CPVL: variants seen among roughly 807,000 people sequenced by gnomAD.
The protein encoded by CPVL is probable serine carboxypeptidase CPVL.
A neutral mutation model predicts 63.7 loss-of-function variants in CPVL; 51 were observed. That is an observed-to-expected ratio of 0.80 (90% CI 0.64 to 1.01). CPVL has a LOEUF of 1.01. CPVL is among the 50% of genes least tolerant of loss of function. The probability of loss-of-function intolerance (pLI) is 0.00; values close to 1 mark genes in which losing one functional copy is unlikely to be tolerated. For missense variants in CPVL, 530 were observed against 573.1 expected, an observed-to-expected ratio of 0.92 and a Z score of 0.77; for synonymous variants, 195 against 206.0, an observed-to-expected ratio of 0.95 and a Z score of 0.46.
chr7:29,024,151 A>C (rs959148563), intron 12 of CPVL, among the ~76,000 whole-genome samples: 1 of 152,178 alleles, frequency 6.6e-6, no homozygotes, highest in Non-Finnish European at 1.5e-5. Flanking sequence ...ATACATAAAG[A>C]AGAACCAATC....
intron 11 of CPVL, among the ~76,000 whole-genome samples, chr7:29,034,594 G>A (rs570415263): frequency 6.6e-6 from 1 of 151,964 alleles, no homozygotes; most frequent in African/African-American, 2.4e-5. Context: ...ACAGGCCCCA[G>A]TATGTGTTGT....
intron 1 of CPVL, chr7:29,192,889 T>C (rs1584672263): frequency 6.6e-6 from 1 of 152,320 alleles, no homozygotes; most frequent in South Asian, 2.1e-4. Context: ...GGGGGCTACA[T>C]AGATTACTAG....
At chr7:29,176,063 G>A (rs1471686214) in intron 5 of CPVL, among the ~76,000 whole-genome samples, 2 of 152,060 alleles carry the variant, frequency 1.3e-5, no homozygotes, top group Non-Finnish European at 2.9e-5. Context: ...GTGGGCGCCT[G>A]TAGTCCCAGC....
intron 7 of CPVL, among the ~76,000 whole-genome samples, chr7:29,072,749 C>G (rs1002970992): frequency 6.6e-6 from 1 of 152,032 alleles, no homozygotes; most frequent in Admixed American, 6.6e-5. Flanking sequence ...GCATCTCTTA[C>G]CAGAAAGCTC....
At chr7:29,177,485 C>T (rs1797505188) in intron 5 of CPVL, among the ~76,000 whole-genome samples, 1 of 151,882 alleles carries the variant, frequency 6.6e-6, no homozygotes, top group African/African-American at 2.4e-5. Context: ...AACTCCTGAC[C>T]TCAAGTCATC....
intron 2 of CPVL, among the ~76,000 whole-genome samples, chr7:29,118,802 C>G (rs550256793): frequency 1.4e-4 from 22 of 152,214 alleles, no homozygotes; most frequent in African/African-American, 4.6e-4. Flanking sequence ...TTCCGGTGTT[C>G]TTCTTCATTC....
intron 1 of CPVL, among the ~76,000 whole-genome samples, chr7:29,131,552 C>T (rs1291131959): frequency 6.6e-6 from 1 of 152,074 alleles, no homozygotes; most frequent in African/African-American, 2.4e-5. Flanking sequence ...TTTTTTGAGA[C>T]ACGGTCTCAC....
At chr7:29,083,558 C>T (rs746990003) in intron 7 of CPVL, among the ~76,000 whole-genome samples, 2 of 152,150 alleles carry the variant, frequency 1.3e-5, no homozygotes, top group African/African-American at 2.4e-5. Flanking sequence ...TATACCTGCC[C>T]TGGGATGGAT....
intron 12 of CPVL, among the ~76,000 whole-genome samples, chr7:29,016,233 C>T (rs1431744412): frequency 1.3e-5 from 2 of 151,976 alleles, no homozygotes; most frequent in Non-Finnish European, 2.9e-5. Flanking sequence ...GACCTGTAAT[C>T]CCAGCTACTT....
At chr7:29,158,407 C>A (rs1482645681) in intron 5 of CPVL, among the ~76,000 whole-genome samples, 1 of 152,138 alleles carries the variant, frequency 6.6e-6, no homozygotes, top group African/African-American at 2.4e-5. Flanking sequence ...TGATCCATAA[C>A]CAAAGAAAAC....
intron 7 of CPVL, among the ~76,000 whole-genome samples, chr7:29,079,978 A>C (rs1784545344): frequency 6.6e-6 from 1 of 152,196 alleles, no homozygotes; most frequent in African/African-American, 2.4e-5. Context: ...AGATGGAAGA[A>C]GCATGGAGAA....
At chr7:29,159,471 A>G (rs1794885811) in intron 5 of CPVL, among the ~76,000 whole-genome samples, 1 of 152,304 alleles carries the variant, frequency 6.6e-6, no homozygotes, top group East Asian at 1.9e-4. Context: ...ATGAAAACCT[A>G]TTATTTTTAA....
At chr7:29,146,545 C>G, upstream of CPVL, 1 of 1,524,564 alleles carries the variant, frequency 6.6e-7, no homozygotes, top group Non-Finnish European at 8.8e-7. Context: ...CACGAGGACC[C>G]TGCAGAACTC....
Position 29,180,620 on chromosome 7 carries a change from C to T in CPVL, c.-11+670G>A, listed in dbSNP as rs537049982. Among the ~76,000 whole-genome samples, 26 of 151,772 alleles carry T rather than the reference C, an allele frequency of 1.7e-4. No homozygotes were observed. The South Asian group carries it at 5.2e-3, about 30-fold the overall frequency. ...AATCAAATTAAGGCAAATGATGAGC[C>T]AATAAAAATACCTTTGGCACAAATT... On this transcript the variant is annotated intron_variant, in intron 5 of 16. Transcript: ENST00000409850.
At chr7:29,069,633 A>C (rs1783522124) in intron 9 of CPVL, among the ~76,000 whole-genome samples, 2 of 152,164 alleles carry the variant, frequency 1.3e-5, no homozygotes, top group Non-Finnish European at 2.9e-5. Flanking sequence ...GAATGCCTGA[A>C]AATTACCATA....
intron 1 of CPVL, among the ~76,000 whole-genome samples, chr7:29,137,135 G>A (rs1791304879): frequency 6.6e-6 from 1 of 152,176 alleles, no homozygotes; most frequent in Non-Finnish European, 1.5e-5. Flanking sequence ...ATCACTGTCT[G>A]GGGTAAATAC....
chr7:29,123,628 A>AATATATATATATATAT (rs1243750985), intron 1 of CPVL, among the ~76,000 whole-genome samples: 3 of 41,758 alleles, frequency 7.2e-5, no homozygotes, highest in African/African-American at 1.1e-4. Context: ...AAAAAAAAAA[A>AATATATATATATATAT]ATATATATAT....
chr7:29,076,923 C>T (rs536755445), intron 7 of CPVL, among the ~76,000 whole-genome samples: 10 of 152,284 alleles, frequency 6.6e-5, no homozygotes, highest in South Asian at 2.1e-4. Flanking sequence ...ATGGAAATCC[C>T]GTGAGGAGCA....
chr7:29,191,397 T>A (rs1782875412), intron 1 of CPVL, among the ~76,000 whole-genome samples: 1 of 152,138 alleles, frequency 6.6e-6, no homozygotes, highest in Non-Finnish European at 1.5e-5. Context: ...CCAGAGAAGG[T>A]GCATTCTGGT....
Sources: allele counts gnomAD v4.1 joint callset (sites outside exome capture counted in the v4.1 genomes callset), GRCh38; gene constraint gnomAD v4.1.1; transcripts MANE v1.5; gene names NCBI Gene and HGNC (gene_info 2026-07-23, HGNC 2026-07-21).